CDH18: variants seen among roughly 807,000 people sequenced by gnomAD.
CDH18 encodes cadherin-18.
CDH18 carries 31 observed loss-of-function variants against 67.9 expected under a neutral mutation model. The ratio of observed to expected loss-of-function variants is 0.46; its 90% CI spans 0.34 to 0.62. The LOEUF (loss-of-function observed/expected upper bound fraction) is 0.62. Ranked by LOEUF, CDH18 falls within the 20% of genes least tolerant of loss-of-function variation. The pLI is 0.01. For synonymous variants in CDH18, 362 were observed against 347.2 expected, an observed-to-expected ratio of 1.04 and a Z score of -0.48; for missense variants, 890 against 975.5, an observed-to-expected ratio of 0.91 and a Z score of 1.17.
chr5:20,216,967 A>G (rs1229764516), intron 2 of CDH18, among the ~76,000 whole-genome samples: 3 of 151,888 alleles, frequency 2.0e-5, no homozygotes, highest in African/African-American at 7.2e-5. Context: ...TTAGCCAGAA[A>G]AAAGTGGCAT....
At chr5:19,491,868 T>C (rs777187571) in intron 11 of CDH18, among the ~76,000 whole-genome samples, 2 of 151,952 alleles carry the variant, frequency 1.3e-5, no homozygotes, top group Non-Finnish European at 2.9e-5. Flanking sequence ...AAAGTAATAA[T>C]GACACTCCAA....
rs1157734032 is a variant in CDH18 at position 19,936,602 on chromosome 5, T to G, written c.-257+44458A>C. The stretch of plus-strand genomic sequence containing the variant: ...ACTACAAATATGCCACAATTTTGCT[T>G]CTTAGATGTCATGTTTTTCTTTAAA... On this transcript the variant is annotated intron_variant, in intron 2 of 12. Coordinates refer to ENST00000382275, the MANE Select transcript of CDH18 (RefSeq NM_004934.5). Among the ~76,000 whole-genome samples the G allele has an allele frequency of 3.3e-5, 5 of 151,090 alleles. No homozygotes were observed. The Admixed American group carries it at 3.3e-4, about 10-fold the overall frequency.
At chr5:20,219,356 C>A (rs2126438306) in intron 2 of CDH18, among the ~76,000 whole-genome samples, 1 of 151,788 alleles carries the variant, frequency 6.6e-6, no homozygotes, top group African/African-American at 2.4e-5. Context: ...CAAAAATAAG[C>A]TTGGGACACA....
At chr5:19,719,062 T>C (rs1360265566) in intron 5 of CDH18, among the ~76,000 whole-genome samples, 1 of 152,008 alleles carries the variant, frequency 6.6e-6, no homozygotes, top group Non-Finnish European at 1.5e-5. Flanking sequence ...TGCATACACA[T>C]ACATGTATTT....
At chr5:19,937,347 A>G (rs748995426) in intron 2 of CDH18, among the ~76,000 whole-genome samples, 110 of 151,300 alleles carry the variant, frequency 7.3e-4, no homozygotes, top group Non-Finnish European at 9.2e-4. Context: ...AGAAAGTAAC[A>G]AGGAGGTGTT....
chr5:19,652,370 G>A (rs1358787713), intron 5 of CDH18, among the ~76,000 whole-genome samples: 1 of 152,066 alleles, frequency 6.6e-6, no homozygotes. Flanking sequence ...GAAGTCACTA[G>A]GAGAAATCAG....
chr5:19,748,112 C>CAAAAAAAAAAAAAAAAAA (rs766955714), intron 3 of CDH18, among the ~76,000 whole-genome samples: 865 of 14,834 alleles, frequency 0.058, 375 homozygotes, highest in East Asian at 0.12. Flanking sequence ...GACTCCATCT[C>CAAAAAAAAAAAAAAAAAA]AAAAAAAAAA....
chr5:19,725,517 C>G (rs1036183962), intron 4 of CDH18, among the ~76,000 whole-genome samples: 2 of 152,142 alleles, frequency 1.3e-5, no homozygotes, highest in Non-Finnish European at 2.9e-5. Flanking sequence ...CGCCTGTAAT[C>G]CCAGCAATTT....
chr5:19,528,572 A>G (rs994840640), intron 9 of CDH18, among the ~76,000 whole-genome samples: 2 of 151,864 alleles, frequency 1.3e-5, no homozygotes, highest in African/African-American at 2.4e-5. Context: ...CAATCTCTCA[A>G]TGTAGGAGTA....
chr5:19,473,857 C>A, intron 12 of CDH18, 141 bp from the exon 13 acceptor site: 5 of 699,776 alleles, frequency 7.1e-6, no homozygotes, highest in Non-Finnish European at 1.2e-5. Flanking sequence ...ACAACTCACT[C>A]TGTGCTCTCT....
At chr5:19,669,151 AATATCAT>A (rs976180506) in intron 5 of CDH18, among the ~76,000 whole-genome samples, 148 of 144,078 alleles carry the variant, frequency 1.0e-3, no homozygotes, top group Non-Finnish European at 1.8e-3. Flanking sequence ...CATTATATAT[AATATCAT>A]ATATCATATA....
intron 1 of CDH18, among the ~76,000 whole-genome samples, chr5:20,379,741 C>G (rs1489103151): frequency 1.3e-5 from 2 of 150,540 alleles, no homozygotes; most frequent in African/African-American, 4.9e-5. Flanking sequence ...AAAGATCAGG[C>G]AATAAAAATA....
intron 6 of CDH18, among the ~76,000 whole-genome samples, chr5:19,595,144 A>C (rs561999865): frequency 2.6e-5 from 4 of 152,300 alleles, no homozygotes; most frequent in Admixed American, 2.0e-4. Flanking sequence ...CACACTAATA[A>C]AAATTATTTG....
At chr5:19,760,786 G>A (rs1312444298) in intron 3 of CDH18, among the ~76,000 whole-genome samples, 1 of 152,134 alleles carries the variant, frequency 6.6e-6, no homozygotes, top group Non-Finnish European at 1.5e-5. Context: ...AGAGATGATG[G>A]GGGTGGCTCC....
intron 5 of CDH18, among the ~76,000 whole-genome samples, chr5:19,620,094 C>T (rs1454954035): frequency 6.6e-6 from 1 of 152,176 alleles, no homozygotes; most frequent in Non-Finnish European, 1.5e-5. Context: ...ATGGAATTAG[C>T]AATCATAAAT....
intron 1 of CDH18, among the ~76,000 whole-genome samples, chr5:20,270,111 C>A (rs1457040364): frequency 6.6e-6 from 1 of 150,474 alleles, no homozygotes; most frequent in African/African-American, 2.4e-5. Context: ...AATACATAAA[C>A]AAGGAAAAGT....
intron 1 of CDH18, among the ~76,000 whole-genome samples, chr5:20,485,916 A>C (rs2126344976): frequency 6.6e-6 from 1 of 152,310 alleles, no homozygotes; most frequent in South Asian, 2.1e-4. Context: ...ATTGTAAACA[A>C]ATATAGAAGA....
At chr5:20,554,196 C>T (rs1408514517) in intron 1 of CDH18, among the ~76,000 whole-genome samples, 3 of 152,120 alleles carry the variant, frequency 2.0e-5, no homozygotes, top group African/African-American at 7.2e-5. Context: ...GTCACAGCTA[C>T]TCAGTTTGGT....
At chr5:20,342,414 G>T (rs1356722884) in intron 1 of CDH18, among the ~76,000 whole-genome samples, 1 of 152,134 alleles carries the variant, frequency 6.6e-6, no homozygotes. Context: ...AGGGAACAGT[G>T]ATGGCCTCCC....
Sources: gnomAD v4.1 joint callset for allele counts (sites outside exome capture counted in the v4.1 genomes callset) on GRCh38, gnomAD v4.1.1 for gene constraint, MANE v1.5 for transcripts, NCBI Gene and HGNC (gene_info 2026-07-23, HGNC 2026-07-21) for gene names.